The following GPC6 variants were observed in gnomAD, a reference collection of about 807,000 sequenced individuals.
The protein encoded by GPC6 is glypican 6.
A neutral mutation model predicts 55.2 loss-of-function variants in GPC6; 14 were observed. The ratio of observed to expected loss-of-function variants is 0.25; its 90% CI spans 0.17 to 0.40. The LOEUF is 0.40. GPC6 is among the 10% of genes least tolerant of loss of function. GPC6 has a pLI of 1.00. For missense variants in GPC6, 641 were observed against 708.5 expected (o/e 0.90, Z 1.08); for synonymous variants, 278 against 259.6 (o/e 1.07, Z -0.68).
At chr13:93,646,653 C>G (rs1880186563) in intron 2 of GPC6, among the ~76,000 whole-genome samples, 2 of 151,962 alleles carry the variant, frequency 1.3e-5, no homozygotes, top group Admixed American at 1.3e-4. Context: ...TTTCTGTTTT[C>G]CCCCATAATT....
chr13:94,195,784 G>A (rs1410131793), intron 4 of GPC6, among the ~76,000 whole-genome samples: 2 of 152,280 alleles, frequency 1.3e-5, no homozygotes, highest in East Asian at 1.9e-4. Context: ...CATTTCTCAC[G>A]TGTTCTGAGA....
At chr13:94,022,099 G>A (rs1002954107) in intron 3 of GPC6, among the ~76,000 whole-genome samples, 13 of 151,912 alleles carry the variant, frequency 8.6e-5, no homozygotes, top group African/African-American at 2.9e-4. Context: ...TCAGAGAATC[G>A]CTGTAATCTT....
Position 94,189,494 on chromosome 13 carries a change from C to T in GPC6, c.878-96855C>T, listed in dbSNP as rs184379436. Among the ~76,000 whole-genome samples the T allele has an allele frequency of 8.5e-5, 13 of 152,146 alleles. 1 individual carries two copies. Among genetic ancestry groups the T allele is most frequent in the East Asian group, 5.8e-4 (3 of 5,156 alleles). On this transcript the variant is annotated intron_variant, in intron 4 of 8. Transcript: ENST00000377047. ...GACATCATAAAGATTGCAAGATGGA[C>T]GGAATTTATTTGGATAAAAAGCAGT...
At chr13:93,262,275 G>A (rs1034326949) in intron 1 of GPC6, among the ~76,000 whole-genome samples, 6 of 151,846 alleles carry the variant, frequency 4.0e-5, no homozygotes, top group African/African-American at 1.2e-4. Context: ...CCCCTCAGCA[G>A]AGGAAAGAAG....
chr13:93,321,314 G>C (rs779155271), intron 1 of GPC6, among the ~76,000 whole-genome samples: 1 of 151,998 alleles, frequency 6.6e-6, no homozygotes, highest in Admixed American at 6.6e-5. Context: ...TAGGCAAATC[G>C]CATTACTTGC....
intron 4 of GPC6, among the ~76,000 whole-genome samples, chr13:94,175,354 G>A (rs767750002): frequency 7.2e-5 from 11 of 152,140 alleles, no homozygotes; most frequent in African/African-American, 2.4e-4. Context: ...TAGCAGCTCT[G>A]TTCCAACAAA....
intron 3 of GPC6, among the ~76,000 whole-genome samples, chr13:93,941,530 C>T (rs1422959536): frequency 6.6e-6 from 1 of 152,162 alleles, no homozygotes; most frequent in Non-Finnish European, 1.5e-5. Context: ...CCAAGATAAA[C>T]TTTGGCACTC....
chr13:93,993,475 T>C (rs775414666), intron 3 of GPC6, among the ~76,000 whole-genome samples: 20 of 151,930 alleles, frequency 1.3e-4, no homozygotes, highest in Non-Finnish European at 2.1e-4. Flanking sequence ...TTTGTATTTT[T>C]AGTAGAAACG....
At chr13:94,350,389 A>G (rs1878483692) in intron 6 of GPC6, among the ~76,000 whole-genome samples, 1 of 152,162 alleles carries the variant, frequency 6.6e-6, no homozygotes, top group Admixed American at 6.5e-5. Flanking sequence ...TGATTCCAAT[A>G]TGCACCCAAG....
intron 2 of GPC6, among the ~76,000 whole-genome samples, chr13:93,821,549 A>C (rs1261821380): frequency 2.6e-5 from 4 of 152,152 alleles, no homozygotes; most frequent in African/African-American, 9.7e-5. Context: ...GAGAAGTACA[A>C]ATTTAGGACA....
At chr13:93,300,662 A>AG (rs902012335) in intron 1 of GPC6, among the ~76,000 whole-genome samples, 1 of 151,356 alleles carries the variant, frequency 6.6e-6, no homozygotes, top group African/African-American at 2.4e-5. Flanking sequence ...AAAAAAAAAA[A>AG]AAGAATAGGA....
At chr13:93,957,898 T>C (rs1032389765) in intron 3 of GPC6, among the ~76,000 whole-genome samples, 2 of 152,214 alleles carry the variant, frequency 1.3e-5, no homozygotes, top group African/African-American at 2.4e-5. Context: ...TTTTTAATAA[T>C]AGCCATTTTG....
intron 2 of GPC6, among the ~76,000 whole-genome samples, chr13:93,781,875 T>C (rs1334088063): frequency 6.6e-6 from 1 of 152,222 alleles, no homozygotes; most frequent in Non-Finnish European, 1.5e-5. Context: ...ATGTTTGATA[T>C]ATGTATACAT....
chr13:93,252,967 A>T (rs1876836122), intron 1 of GPC6, among the ~76,000 whole-genome samples: 1 of 152,248 alleles, frequency 6.6e-6, no homozygotes, highest in Non-Finnish European at 1.5e-5. Flanking sequence ...CAGTTTGCAA[A>T]AGTATAGACC....
intron 2 of GPC6, among the ~76,000 whole-genome samples, chr13:93,687,910 G>C (rs1481738236): frequency 6.6e-6 from 1 of 150,684 alleles, no homozygotes; most frequent in Non-Finnish European, 1.5e-5. Context: ...TTTTTTATGA[G>C]AAAAAGTTTA....
chr13:93,546,668 G>T (rs895649437), intron 2 of GPC6, among the ~76,000 whole-genome samples: 1 of 152,142 alleles, frequency 6.6e-6, no homozygotes, highest in South Asian at 2.1e-4. Context: ...GTACTTAGGG[G>T]TTACTCTTGA....
At chr13:93,308,853 G>A (rs1008032418) in intron 1 of GPC6, among the ~76,000 whole-genome samples, 2 of 152,130 alleles carry the variant, frequency 1.3e-5, no homozygotes, top group Admixed American at 6.5e-5. Flanking sequence ...CTGCAACAAT[G>A]TTTTATATGT....
intron 6 of GPC6, among the ~76,000 whole-genome samples, chr13:94,380,000 G>A (rs1024749170): frequency 1.3e-5 from 2 of 152,146 alleles, no homozygotes; most frequent in African/African-American, 2.4e-5. Context: ...AGAAGACAAC[G>A]TTTGAGAATA....
At chr13:94,140,912 T>C (rs1481273706) in intron 4 of GPC6, among the ~76,000 whole-genome samples, 1 of 151,796 alleles carries the variant, frequency 6.6e-6, no homozygotes, top group Non-Finnish European at 1.5e-5. Context: ...TCAAATGATA[T>C]AATATAAATA....
Sources: allele counts gnomAD v4.1 joint callset (sites outside exome capture counted in the v4.1 genomes callset), GRCh38; gene constraint gnomAD v4.1.1; transcripts MANE v1.5; gene names NCBI Gene and HGNC (gene_info 2026-07-23, HGNC 2026-07-21).